The following HIVEP2 variants were observed in gnomAD, a reference collection of about 807,000 sequenced individuals.
HIVEP2 encodes the protein transcription factor HIVEP2.
A neutral mutation model predicts 180.7 loss-of-function variants in HIVEP2; 14 were observed. The ratio of observed to expected loss-of-function variants is 0.08; its 90% CI spans 0.05 to 0.12. The LOEUF is 0.12. HIVEP2 is among the 10% of genes least tolerant of loss of function. The pLI is 1.00. For missense variants in HIVEP2, 2,579 were observed against 3,008.5 expected, an observed-to-expected ratio of 0.86 and a Z score of 3.34; for synonymous variants, 1,184 against 1,136.4, an observed-to-expected ratio of 1.04 and a Z score of -0.84.
At chr6:142,848,859 A>T (rs62430708) in intron 1 of HIVEP2, among the ~76,000 whole-genome samples, 31,589 of 152,166 alleles carry the variant, frequency 0.21, 4,292 homozygotes, top group Non-Finnish European at 0.31. Context: ...AAGTGAAAGC[A>T]CCAGTTCAAC....
At chr6:142,801,795 C>T (rs1293965992) in intron 2 of HIVEP2, among the ~76,000 whole-genome samples, 2 of 152,092 alleles carry the variant, frequency 1.3e-5, no homozygotes, top group Non-Finnish European at 2.9e-5. Flanking sequence ...AAATCCATGG[C>T]CCTTCTCAAT....
At chr6:142,926,602 G>A (rs574671782) in intron 1 of HIVEP2, among the ~76,000 whole-genome samples, 1 of 152,364 alleles carries the variant, frequency 6.6e-6, no homozygotes, top group African/African-American at 2.4e-5. Context: ...CCCACTTCGG[G>A]AGCCCCCGGT....
chr6:142,838,751 G>A (rs1051590873), intron 1 of HIVEP2, among the ~76,000 whole-genome samples: 4 of 152,156 alleles, frequency 2.6e-5, no homozygotes, highest in African/African-American at 7.2e-5. Flanking sequence ...TTGATTTCTC[G>A]ATGTACAATG....
rs780509503 is a variant in HIVEP2 at position 142,770,542 on chromosome 6, C to T, written c.4197G>A (p.Ala1399=). 28 of 1,614,044 alleles carry T rather than the reference C, an allele frequency of 1.7e-5. No individual in the cohort carries two copies. The East Asian group carries it at 1.8e-4, about 10-fold the overall frequency. The part of the protein sequence containing the change: ...FNIAQVLGQH[A]GLEKYPIWKA... ...TCCAAATGGGGTACTTCTCCAAGCC[C>T]GCATGCTGCCCCAGCACCTGGGCAA... The change falls in exon 5 of 10, where the codon GCG becomes GCA. Residue 1399 remains alanine (A), a synonymous_variant. Coordinates refer to ENST00000367603, the MANE Select transcript of HIVEP2 (RefSeq NM_006734.4). The surrounding 1 kb of genome is among the most constrained non-coding windows in gnomAD (Gnocchi z 4.7).
At chr6:142,754,008 T>G in intron 9 of HIVEP2, 77 bp from the exon 10 acceptor site, 1 of 728,076 alleles carries the variant, frequency 1.4e-6, no homozygotes, top group South Asian at 1.8e-5. Flanking sequence ...TTGGATTCAT[T>G]CACTCACCCA....
intron 2 of HIVEP2, among the ~76,000 whole-genome samples, chr6:142,814,071 A>T (rs1776771084): frequency 6.6e-6 from 1 of 151,846 alleles, no homozygotes. Context: ...AGCAAGCAGA[A>T]GCAAGGAGAT....
chr6:142,919,136 T>A (rs1423482270), intron 1 of HIVEP2, among the ~76,000 whole-genome samples: 5 of 152,208 alleles, frequency 3.3e-5, no homozygotes, highest in Non-Finnish European at 5.9e-5. Flanking sequence ...TTTCAGTGTG[T>A]TCTTATTTTA....
At chr6:142,905,846 A>C (rs1476739442) in intron 1 of HIVEP2, among the ~76,000 whole-genome samples, 1 of 152,194 alleles carries the variant, frequency 6.6e-6, no homozygotes, top group Admixed American at 6.5e-5. Context: ...AAAAATGATA[A>C]TCAGTCCGGG....
intron 3 of HIVEP2, among the ~76,000 whole-genome samples, chr6:142,776,415 C>T (rs1775701341): frequency 6.6e-6 from 1 of 152,128 alleles, no homozygotes; most frequent in African/African-American, 2.4e-5. Context: ...ATTATAAAAA[C>T]ATCATAGTAA....
chr6:142,831,095 GGGACAATTCTCAGAGGCAGTGAACCGT>G (rs1369765408), intron 2 of HIVEP2, among the ~76,000 whole-genome samples: 2 of 152,208 alleles, frequency 1.3e-5, no homozygotes, highest in Non-Finnish European at 2.9e-5. Flanking sequence ...CTGGGATCCA[GGGACAATTCTCAGAGGCAGTGAACCGT>G]GGAAGGGTCG....
rs1365654086 is a variant in HIVEP2, at chr6:142,875,103, T to G, written c.-640-38056A>C. 2.0e-5 allele frequency among the ~76,000 whole-genome samples: 3 copies of G among 152,096 alleles called. No individual in the cohort carries two copies. In the East Asian group the frequency reaches 5.8e-4, roughly 29 times the overall value. ...ATGAAGTAAAAAATGCAATAAAAAC[T>G]GAACTAGGGATGGATTAAGGAAACT... On this transcript the variant is annotated intron_variant, in intron 1 of 9. Transcript: ENST00000367603.
chr6:142,789,526 TA>T (rs1311624477), intron 2 of HIVEP2, among the ~76,000 whole-genome samples: 2 of 152,234 alleles, frequency 1.3e-5, no homozygotes, highest in African/African-American at 4.8e-5. Context: ...TGTTTAGGGC[TA>T]TGGAATAATT....
intron 1 of HIVEP2, among the ~76,000 whole-genome samples, chr6:142,939,329 G>A (rs1015717410): frequency 2.6e-5 from 4 of 151,634 alleles, no homozygotes; most frequent in South Asian, 2.1e-4. Flanking sequence ...CCTTGCCACC[G>A]AGATATTCAT....
At chr6:142,917,074 T>C (rs1047357712) in intron 1 of HIVEP2, among the ~76,000 whole-genome samples, 2 of 152,244 alleles carry the variant, frequency 1.3e-5, no homozygotes, top group African/African-American at 4.8e-5. Context: ...TTAATAATTA[T>C]GCTGCCATAA....
chr6:142,814,066 G>A (rs1463448505), intron 2 of HIVEP2, among the ~76,000 whole-genome samples: 1 of 151,796 alleles, frequency 6.6e-6, no homozygotes, highest in Non-Finnish European at 1.5e-5. Context: ...GCACTAGCAA[G>A]CAGAAGCAAG....
chr6:142,863,400 A>G (rs2114964094), intron 1 of HIVEP2, among the ~76,000 whole-genome samples: 1 of 152,134 alleles, frequency 6.6e-6, no homozygotes, highest in African/African-American at 2.4e-5. Flanking sequence ...AAAATCTCAG[A>G]TTCTTTTGGA....
At chr6:142,822,725 A>G (rs1777071959) in intron 2 of HIVEP2, among the ~76,000 whole-genome samples, 1 of 152,206 alleles carries the variant, frequency 6.6e-6, no homozygotes, top group South Asian at 2.1e-4. Flanking sequence ...GGCTCCCTCC[A>G]CAGAGAAGAT....
At position 142,774,243 on chromosome 6, in the gene HIVEP2, A is replaced by G; in HGVS notation, c.496T>C (p.Ser166Pro). 6.2e-7 allele frequency: 1 copy of G among 1,614,006 alleles called. No homozygotes were observed. The highest frequency in any genetic ancestry group is 8.5e-7 in the Non-Finnish European group (1 of 1,180,016). The change falls in exon 5 of 10, where the codon TCC becomes CCC. Residue 166 changes from serine to proline, a missense_variant. Around this residue, in one of 11 missense-constraint regions of HIVEP2, gnomAD observed 207 missense variants for 210.1 expected, o/e 0.99. Transcript: ENST00000367603. The surrounding 1 kb of genome is among the most constrained non-coding windows in gnomAD (Gnocchi z 5.1). ...TCTGCCTGTTCAATACTTTTCTGGG[A>G]GTATTGGCTATAAGCAGGGTTCAGA... ...SSLNPAYSQY[S>P]QKSIEQAEEA... is the part of the protein sequence containing the mutation.
chr6:142,764,368 G>C (rs145026782), intron 7 of HIVEP2, among the ~76,000 whole-genome samples: 1 of 152,314 alleles, frequency 6.6e-6, no homozygotes, highest in East Asian at 1.9e-4. Flanking sequence ...GCACCCACCT[G>C]GGAGTGTGTG....
Sources: gnomAD v4.1 joint callset for allele counts (sites outside exome capture counted in the v4.1 genomes callset) on GRCh38, gnomAD v4.1.1 for gene constraint, gnomAD v4.1.1 regional missense constraint, Gnocchi (gnomAD v3.1) non-coding constraint, MANE v1.5 for transcripts, NCBI Gene and HGNC (gene_info 2026-07-23, HGNC 2026-07-21) for gene names.